The following MARCHF1 variants were observed in gnomAD, a reference collection of about 807,000 sequenced individuals.
MARCHF1 encodes the protein E3 ubiquitin-protein ligase MARCHF1.
In MARCHF1, 40 loss-of-function variants were observed where a neutral mutation model predicts 54.2. The ratio of observed to expected loss-of-function variants is 0.74; its 90% CI spans 0.57 to 0.96. The LOEUF is 0.96. MARCHF1 is among the 40% of genes least tolerant of loss of function. The pLI is 0.00. For missense variants in MARCHF1, 586 were observed against 656.5 expected (o/e 0.89, Z 1.17); for synonymous variants, 236 against 236.3 (o/e 1.00, Z 0.01).
intron 3 of MARCHF1, among the ~76,000 whole-genome samples, chr4:163,937,595 G>A (rs1250657055): frequency 6.6e-6 from 1 of 151,890 alleles, no homozygotes; most frequent in Non-Finnish European, 1.5e-5. Flanking sequence ...CTTTGCAGTT[G>A]GACTTGGAGG....
At chr4:163,971,946 C>A (rs1373394056) in intron 3 of MARCHF1, among the ~76,000 whole-genome samples, 1 of 152,172 alleles carries the variant, frequency 6.6e-6, no homozygotes, top group Non-Finnish European at 1.5e-5. Flanking sequence ...TTGGAACCAA[C>A]CCAAATGTCC....
intron 5 of MARCHF1, among the ~76,000 whole-genome samples, chr4:163,688,742 C>T (rs1479129786): frequency 6.6e-6 from 1 of 152,094 alleles, no homozygotes; most frequent in Non-Finnish European, 1.5e-5. Flanking sequence ...AGAGAGCATT[C>T]ATTCCTCTCT....
intron 5 of MARCHF1, among the ~76,000 whole-genome samples, chr4:163,696,188 A>G (rs1353930992): frequency 6.6e-6 from 1 of 152,222 alleles, no homozygotes; most frequent in African/African-American, 2.4e-5. Context: ...TGCAAGGACC[A>G]TAAAATTCAA....
intron 1 of MARCHF1, among the ~76,000 whole-genome samples, chr4:164,312,967 C>G (rs1010616366): frequency 6.6e-6 from 1 of 152,092 alleles, no homozygotes; most frequent in Non-Finnish European, 1.5e-5. Flanking sequence ...AGTCAGTACT[C>G]ACTCTCAATG....
At chr4:164,340,408 TATATAGATATATA>T (rs200558713) in intron 1 of MARCHF1, among the ~76,000 whole-genome samples, 2,462 of 121,928 alleles carry the variant, frequency 0.02, 227 homozygotes, top group African/African-American at 0.066. Context: ...CCTTGATTTA[TATATAGATATATA>T]TATATATATA....
intron 3 of MARCHF1, among the ~76,000 whole-genome samples, chr4:163,871,159 A>T (rs1278571775): frequency 1.3e-5 from 2 of 152,162 alleles, no homozygotes; most frequent in African/African-American, 4.8e-5. Context: ...CTAAGATAAA[A>T]ATAGCTAGAA....
chr4:163,872,691 G>A (rs922686290), intron 3 of MARCHF1, among the ~76,000 whole-genome samples: 4 of 152,114 alleles, frequency 2.6e-5, no homozygotes, highest in African/African-American at 4.8e-5. Flanking sequence ...ATGTGTGTGC[G>A]TGTGTGTATG....
intron 1 of MARCHF1, chr4:164,190,461 G>T (rs1731095128): frequency 2.7e-6 from 1 of 364,376 alleles, no homozygotes; most frequent in Non-Finnish European, 4.9e-6. Flanking sequence ...AGTTGAAAAT[G>T]CTATAGCCCA....
Position 163,545,723 on chromosome 4 carries a change from G to A in MARCHF1, c.1212C>T (p.Thr404=). ...AGAATATTTTCCTCCTTTCACTTGT[G>A]GTCATCTGTAGTTTCTCCCACTGCA... The part of the protein sequence containing the change: ...PLRKWEKLQM[T]TSERRKIFCS... The change falls in exon 9 of 10, where the codon ACC becomes ACT. Residue 404 remains threonine (T), a synonymous_variant. Coordinates refer to ENST00000514618, the MANE Select transcript of MARCHF1 (RefSeq NM_001394959.1). 1 of 1,613,756 alleles carries A rather than the reference G, an allele frequency of 6.2e-7. No individual in the cohort carries two copies. Among genetic ancestry groups the A allele is most frequent in the Non-Finnish European group, 8.5e-7 (1 of 1,179,854 alleles).
intron 4 of MARCHF1, among the ~76,000 whole-genome samples, chr4:163,831,476 A>C (rs1749022991): frequency 6.6e-6 from 1 of 152,118 alleles, no homozygotes; most frequent in Non-Finnish European, 1.5e-5. Context: ...CTGTAGTCCC[A>C]GCTCCTCGGG....
Position 163,613,350 on chromosome 4 carries a change from C to A in MARCHF1, c.206G>T (p.Arg69Met). 6.2e-7 allele frequency: 1 copy of A among 1,613,012 alleles called. No homozygotes were observed. The highest frequency in any genetic ancestry group is 8.5e-7 in the Non-Finnish European group (1 of 1,179,398). The change falls in exon 6 of 10, where the codon AGG becomes ATG. Residue 69 changes from arginine (R) to methionine (M), a missense_variant. Around this residue, in one of 3 missense-constraint regions of MARCHF1, gnomAD observed 387 missense variants for 394.6 expected, o/e 0.98. Coordinates refer to ENST00000514618, the MANE Select transcript of MARCHF1 (RefSeq NM_001394959.1). ...TTGTAPRSQS[R>M]LSVCPSTQDI... ...CTGAGTGGATGGACAGACAGACAAC[C>A]TTGACTGGCTCCTGGGAGCTGTCCC...
chr4:164,312,854 C>T (rs1250746903), intron 1 of MARCHF1, among the ~76,000 whole-genome samples: 1 of 152,008 alleles, frequency 6.6e-6, no homozygotes, highest in Non-Finnish European at 1.5e-5. Flanking sequence ...TGACATATGG[C>T]GTCAGCCTGC....
chr4:163,558,297 A>G (rs1739356824), intron 8 of MARCHF1, among the ~76,000 whole-genome samples: 1 of 152,214 alleles, frequency 6.6e-6, no homozygotes. Context: ...ATTCGTTCAA[A>G]AGGAATCTCT....
chr4:164,178,926 G>C (rs996679065), intron 1 of MARCHF1, among the ~76,000 whole-genome samples: 5 of 152,056 alleles, frequency 3.3e-5, no homozygotes, highest in African/African-American at 1.2e-4. Flanking sequence ...CATAGTTGTT[G>C]GTCTTTCTTC....
intron 1 of MARCHF1, among the ~76,000 whole-genome samples, chr4:164,335,833 C>T (rs1729723128): frequency 6.6e-6 from 1 of 151,762 alleles, no homozygotes; most frequent in Non-Finnish European, 1.5e-5. Context: ...CCTGGGATGC[C>T]AAAAAACTTG....
At chr4:163,996,832 C>T (rs1560854111) in intron 2 of MARCHF1, among the ~76,000 whole-genome samples, 1 of 151,996 alleles carries the variant, frequency 6.6e-6, no homozygotes, top group Non-Finnish European at 1.5e-5. Flanking sequence ...GTTACTCTCC[C>T]ACAAATCAAG....
chr4:163,759,217 T>C (rs1746763304), intron 4 of MARCHF1, among the ~76,000 whole-genome samples: 1 of 151,896 alleles, frequency 6.6e-6, no homozygotes. Flanking sequence ...GGTTTATTAA[T>C]GTATGGAAGC....
intron 1 of MARCHF1, among the ~76,000 whole-genome samples, chr4:164,144,802 G>A (rs1186541915): frequency 9.6e-6 from 1 of 104,118 alleles, no homozygotes; most frequent in Non-Finnish European, 1.9e-5. Context: ...GCTAGCAGAA[G>A]GCAAGAAATA....
intron 1 of MARCHF1, among the ~76,000 whole-genome samples, chr4:164,147,135 C>A (rs1289174206): frequency 6.6e-6 from 1 of 152,080 alleles, no homozygotes; most frequent in Admixed American, 6.5e-5. Flanking sequence ...TACCATCTCA[C>A]ACCAGTTAGA....
Sources: allele counts gnomAD v4.1 joint callset (sites outside exome capture counted in the v4.1 genomes callset), GRCh38; gene constraint gnomAD v4.1.1; regional missense constraint gnomAD v4.1.1; transcripts MANE v1.5; gene names NCBI Gene and HGNC (gene_info 2026-07-23, HGNC 2026-07-21).